The following ACTA2 variants were observed in gnomAD, a reference collection of about 807,000 sequenced individuals.
ACTA2 encodes the protein actin alpha 2, smooth muscle, also known as actin, aortic smooth muscle.
ACTA2 carries 12 observed loss-of-function variants against 39.5 expected under a neutral mutation model. The observed-to-expected ratio is 0.30, with a 90% CI of 0.19 to 0.49. The LOEUF (loss-of-function observed/expected upper bound fraction) is 0.49. ACTA2 is among the 20% of genes least tolerant of loss of function. The pLI, the probability that ACTA2 is intolerant of heterozygous loss-of-function variation, is 0.99. For missense variants in ACTA2, 236 were observed against 498.8 expected, an observed-to-expected ratio of 0.47 and a Z score of 5.02; for synonymous variants, 158 against 180.6, an observed-to-expected ratio of 0.88 and a Z score of 1.00.
At chr10:88,969,474 T>C (rs1004687914) in intron 1 of ACTA2, among the ~76,000 whole-genome samples, 1 of 152,232 alleles carries the variant, frequency 6.6e-6, no homozygotes, top group African/African-American at 2.4e-5. Context: ...ATAGTCTCTG[T>C]TGTGCAAAGG....
At chr10:88,949,016 A>C in intron 1 of ACTA2, 63 bp from the exon 2 acceptor site, 9 of 1,573,558 alleles carry the variant, frequency 5.7e-6, no homozygotes, top group Non-Finnish European at 7.8e-6. Context: ...CTTACCTGAC[A>C]ACTCCCACCT....
intron 1 of ACTA2, among the ~76,000 whole-genome samples, chr10:88,977,007 C>T (rs1345339695): frequency 6.6e-6 from 1 of 152,122 alleles, no homozygotes; most frequent in East Asian, 1.9e-4. Flanking sequence ...GCCTACATAT[C>T]CCAAAGGAGA....
At chr10:88,973,505 T>A in intron 1 of ACTA2, 1 of 579,148 alleles carries the variant, frequency 1.7e-6, no homozygotes, top group Non-Finnish European at 2.6e-6. Flanking sequence ...CTCATGGATG[T>A]GAGGCCAGGT....
At chr10:88,982,569 A>G (rs1028801792) in intron 1 of ACTA2, among the ~76,000 whole-genome samples, 1 of 152,222 alleles carries the variant, frequency 6.6e-6, no homozygotes, top group African/African-American at 2.4e-5. Context: ...TGGTCACATT[A>G]TCCTGATTGG....
intron 8 of ACTA2, among the ~76,000 whole-genome samples, chr10:88,936,157 A>G (rs2133240528): frequency 6.6e-6 from 1 of 152,356 alleles, no homozygotes; most frequent in Non-Finnish European, 1.5e-5. Flanking sequence ...ATCTTGAAGA[A>G]TAAGTCTTAA....
chr10:88,952,052 CCTCT>C (rs1846059677), intron 1 of ACTA2, among the ~76,000 whole-genome samples: 1 of 152,184 alleles, frequency 6.6e-6, no homozygotes, highest in Non-Finnish European at 1.5e-5. Flanking sequence ...CTGCTCCCTC[CCTCT>C]TTCTTTCCAG....
chr10:88,970,795 C>G (rs916786481), intron 1 of ACTA2, among the ~76,000 whole-genome samples: 2 of 152,020 alleles, frequency 1.3e-5, no homozygotes, highest in Non-Finnish European at 2.9e-5. Context: ...GTACAGCACA[C>G]CAACATGGCA....
At chr10:88,976,709 T>C (rs184429257) in intron 1 of ACTA2, among the ~76,000 whole-genome samples, 3 of 152,322 alleles carry the variant, frequency 2.0e-5, no homozygotes, top group East Asian at 1.9e-4. Flanking sequence ...ATTAACAAAA[T>C]TGTATTCATA....
intron 1 of ACTA2, among the ~76,000 whole-genome samples, chr10:88,968,023 T>A (rs1183876638): frequency 6.6e-6 from 1 of 152,122 alleles, no homozygotes; most frequent in Non-Finnish European, 1.5e-5. Context: ...CTGTAACATA[T>A]AACAGTAATT....
At chr10:88,968,126 A>C (rs912657842) in intron 1 of ACTA2, among the ~76,000 whole-genome samples, 5 of 152,142 alleles carry the variant, frequency 3.3e-5, no homozygotes, top group African/African-American at 1.2e-4. Flanking sequence ...CTGTGTTTGC[A>C]GTTATATGTA....
chr10:88,949,014 A>G, intron 1 of ACTA2, 61 bp from the exon 2 acceptor site: 2 of 1,577,390 alleles, frequency 1.3e-6, no homozygotes, highest in South Asian at 1.1e-5. Flanking sequence ...CACTTACCTG[A>G]CAACTCCCAC....
chr10:88,952,060 T>C (rs1846059738), intron 1 of ACTA2, among the ~76,000 whole-genome samples: 4 of 152,176 alleles, frequency 2.6e-5, no homozygotes. Flanking sequence ...TCCCTCTTTC[T>C]TTCCAGAGAA....
chr10:88,963,378 G>A (rs1846268790), intron 1 of ACTA2, among the ~76,000 whole-genome samples: 1 of 151,888 alleles, frequency 6.6e-6, no homozygotes, highest in Non-Finnish European at 1.5e-5. Flanking sequence ...TTATTACATA[G>A]ATAATAAGAT....
chr10:88,952,903 A>G (rs1846075571), upstream of ACTA2: 1 of 152,424 alleles, frequency 6.6e-6, no homozygotes, highest in Admixed American at 6.5e-5. Flanking sequence ...GGACCTCAGC[A>G]CAAAACTCTC....
intron 7 of ACTA2, 193 bp from the exon 8 acceptor site, chr10:88,938,435 A>G: frequency 1.6e-6 from 1 of 630,832 alleles, no homozygotes; most frequent in Non-Finnish European, 2.8e-6. Flanking sequence ...CCTTCTAATG[A>G]GGAAGGCCTG....
At chr10:88,956,166 G>A (rs1452580374), upstream of ACTA2, among the ~76,000 whole-genome samples, 1 of 152,182 alleles carries the variant, frequency 6.6e-6, no homozygotes, top group Non-Finnish European at 1.5e-5. Flanking sequence ...GTTTCCTATT[G>A]CTGCTCTAAC....
chr10:88,942,741 C>T (rs1453147210), intron 4 of ACTA2, among the ~76,000 whole-genome samples: 30 of 148,778 alleles, frequency 2.0e-4, no homozygotes, highest in Admixed American at 2.0e-3. Context: ...TAATTTCCAA[C>T]CATTTTTTTT....
intron 1 of ACTA2, among the ~76,000 whole-genome samples, chr10:88,979,847 C>T (rs1462260676): frequency 6.6e-6 from 1 of 152,172 alleles, no homozygotes; most frequent in Non-Finnish European, 1.5e-5. Context: ...TGCCTGTGTC[C>T]TCACCACACA....
chr10:88,956,272 A>G (rs1329726888), upstream of ACTA2, among the ~76,000 whole-genome samples: 1 of 152,212 alleles, frequency 6.6e-6, no homozygotes, highest in African/African-American at 2.4e-5. Context: ...ATGGGCTAAA[A>G]TCAAGGCATT....
Sources: gnomAD v4.1 joint callset for allele counts (sites outside exome capture counted in the v4.1 genomes callset) on GRCh38, gnomAD v4.1.1 for gene constraint, MANE v1.5 for transcripts, NCBI Gene and HGNC (gene_info 2026-07-23, HGNC 2026-07-21) for gene names.